ADGRL2: variants seen among roughly 807,000 people sequenced by gnomAD.
ADGRL2 encodes the protein adhesion G protein-coupled receptor L2.
In ADGRL2, 44 loss-of-function variants were observed where a neutral mutation model predicts 157.4. The observed-to-expected ratio is 0.28, with a 90% CI of 0.22 to 0.36. ADGRL2 has a LOEUF of 0.36. Among genes scored for constraint, ADGRL2 ranks in the 10% least tolerant of loss-of-function variants. ADGRL2 has a pLI of 1.00. For missense variants in ADGRL2, 1,510 were observed against 1,768.9 expected (o/e 0.85, Z 2.63); for synonymous variants, 585 against 624.7 (o/e 0.94, Z 0.95).
At chr1:81,810,628 G>A (rs1445600039) in intron 1 of ADGRL2, among the ~76,000 whole-genome samples, 2 of 151,728 alleles carry the variant, frequency 1.3e-5, no homozygotes, top group Admixed American at 6.6e-5. Context: ...GACATTTTGG[G>A]AAACATTAAT....
rs1272370444 is a variant in ADGRL2, at chr1:81,655,596, T to C, written c.-143+74616T>C. On this transcript the variant is annotated intron_variant, in intron 3 of 24. Coordinates refer to the ADGRL2 transcript ENST00000370721. Reference sequence around the variant, plus strand: ...TTCATTTCTTTTCTTTCTTTTTTGCTTTTACCTATTTTACCTTTCTTCCTG... The same window carrying C: ...TTCATTTCTTTTCTTTCTTTTTTGCCTTTACCTATTTTACCTTTCTTCCTG... 9.2e-5 allele frequency among the ~76,000 whole-genome samples: 14 copies of C among 152,184 alleles called. 1 individual carries two copies. The highest frequency in any genetic ancestry group is 9.2e-4 in the Admixed American group (14 of 15,276).
intron 3 of ADGRL2, among the ~76,000 whole-genome samples, chr1:81,598,999 A>G (rs2081288489): frequency 6.6e-6 from 1 of 152,190 alleles, no homozygotes; most frequent in Non-Finnish European, 1.5e-5. Flanking sequence ...ATTCCATTGT[A>G]TATATAGGGT....
chr1:81,425,818 G>A (rs376922801), intron 1 of ADGRL2, among the ~76,000 whole-genome samples: 38 of 152,148 alleles, frequency 2.5e-4, no homozygotes, highest in African/African-American at 8.7e-4. Context: ...ATACATGGCT[G>A]ACAACCATAT....
chr1:81,707,802 C>T (rs895201805), intron 1 of ADGRL2, among the ~76,000 whole-genome samples: 2 of 152,132 alleles, frequency 1.3e-5, no homozygotes, highest in African/African-American at 4.8e-5. Flanking sequence ...CCCACAGCTC[C>T]TCTTCAACTA....
Position 81,979,855 on chromosome 1 carries a change from AT to A in ADGRL2, c.3022-11del. On this transcript the variant is annotated splice_polypyrimidine_tract_variant and intron_variant, in intron 17 of 23. Transcript: ENST00000686636. ...TTTGTTCATTGTGGTCTAATTCTTT[AT>A]TTGTTACAACAGCTAAATATTATCT... The A allele has an allele frequency of 1.3e-6, 2 of 1,498,156 alleles. No homozygotes were observed. Among genetic ancestry groups the A allele is most frequent in the Non-Finnish European group, 1.9e-6 (2 of 1,077,332 alleles). The allele number at this position is 1,498,156 out of a possible 1,614,324, so 92.8% of individuals were successfully genotyped here.
intron 2 of ADGRL2, among the ~76,000 whole-genome samples, chr1:81,448,366 G>A (rs541548521): frequency 7.0e-4 from 106 of 151,744 alleles, no homozygotes; most frequent in African/African-American, 2.4e-3. Flanking sequence ...GGCTGATCTT[G>A]AACTCCTGAC....
chr1:81,521,263 A>C (rs2079307901), intron 2 of ADGRL2, among the ~76,000 whole-genome samples: 1 of 152,220 alleles, frequency 6.6e-6, no homozygotes, highest in Non-Finnish European at 1.5e-5. Context: ...TAATTATACT[A>C]TATAGTGATG....
chr1:81,632,332 T>G (rs538701754), intron 3 of ADGRL2, among the ~76,000 whole-genome samples: 1 of 152,124 alleles, frequency 6.6e-6, no homozygotes, highest in Admixed American at 6.5e-5. Flanking sequence ...GGACCTCCTG[T>G]GCAGGAACTA....
chr1:81,892,696 A>G (rs535932442), intron 2 of ADGRL2, among the ~76,000 whole-genome samples: 3 of 152,324 alleles, frequency 2.0e-5, no homozygotes, highest in South Asian at 4.1e-4. Flanking sequence ...AGATATTTAT[A>G]TAATGAGAGA....
At chr1:81,638,921 T>C (rs2082164240) in intron 3 of ADGRL2, among the ~76,000 whole-genome samples, 1 of 152,156 alleles carries the variant, frequency 6.6e-6, no homozygotes, top group Admixed American at 6.6e-5. Flanking sequence ...AGAGGATCGC[T>C]TGAGCCCAGG....
intron 3 of ADGRL2, among the ~76,000 whole-genome samples, chr1:81,643,750 C>T (rs2082264430): frequency 6.6e-6 from 1 of 152,126 alleles, no homozygotes; most frequent in African/African-American, 2.4e-5. Context: ...AAATCAAAGA[C>T]TAACTAAATA....
intron 2 of ADGRL2, among the ~76,000 whole-genome samples, chr1:81,543,458 C>T (rs1043139805): frequency 2.6e-5 from 4 of 152,162 alleles, no homozygotes; most frequent in African/African-American, 9.7e-5. Flanking sequence ...TACATTTCTG[C>T]TGTTTATAAG....
intron 1 of ADGRL2, among the ~76,000 whole-genome samples, chr1:81,829,887 T>C (rs1258632046): frequency 3.9e-5 from 6 of 152,144 alleles, no homozygotes; most frequent in African/African-American, 7.2e-5. Flanking sequence ...CTGCAGTCCT[T>C]GTAGGGGCAG....
At chr1:81,854,059 G>A (rs2093116629) in intron 2 of ADGRL2, among the ~76,000 whole-genome samples, 1 of 152,094 alleles carries the variant, frequency 6.6e-6, no homozygotes, top group Non-Finnish European at 1.5e-5. Context: ...TCTATGGGCA[G>A]TGAATTTTCT....
chr1:81,571,764 T>C (rs1160910286), intron 2 of ADGRL2, among the ~76,000 whole-genome samples: 1 of 152,180 alleles, frequency 6.6e-6, no homozygotes, highest in African/African-American at 2.4e-5. Flanking sequence ...TAATTCTTAA[T>C]TCTGTCTGTA....
intron 2 of ADGRL2, among the ~76,000 whole-genome samples, chr1:81,572,035 A>G (rs1435594430): frequency 6.6e-6 from 1 of 152,268 alleles, no homozygotes; most frequent in African/African-American, 2.4e-5. Flanking sequence ...AATTGAAGAT[A>G]TAAAGACTTA....
intron 2 of ADGRL2, among the ~76,000 whole-genome samples, chr1:81,861,624 C>T (rs895113861): frequency 5.3e-5 from 8 of 152,196 alleles, no homozygotes; most frequent in African/African-American, 1.9e-4. Context: ...CACAGTGGCT[C>T]ATGCCTGTTT....
chr1:81,725,981 TAAAACAAAAC>T (rs146873952), intron 1 of ADGRL2, among the ~76,000 whole-genome samples: 10,151 of 151,878 alleles, frequency 0.067, 333 homozygotes, highest in Admixed American at 0.078. Flanking sequence ...AGACCATGTC[TAAAACAAAAC>T]AAAACAAAAC....
At chr1:81,540,538 G>A (rs1245496526) in intron 2 of ADGRL2, among the ~76,000 whole-genome samples, 1 of 152,224 alleles carries the variant, frequency 6.6e-6, no homozygotes, top group Non-Finnish European at 1.5e-5. Flanking sequence ...ACCAGCTTTA[G>A]ATAGGGTGAT....
Sources: allele counts gnomAD v4.1 joint callset (sites outside exome capture counted in the v4.1 genomes callset), GRCh38; gene constraint gnomAD v4.1.1; transcripts MANE v1.5; gene names NCBI Gene and HGNC (gene_info 2026-07-23, HGNC 2026-07-21).